The following NREP variants were observed in gnomAD, a reference collection of about 807,000 sequenced individuals.
The protein encoded by NREP is neuronal regeneration-related protein.
NREP carries 5 observed loss-of-function variants against 8.6 expected under a neutral mutation model. The ratio of observed to expected loss-of-function variants is 0.58; its 90% confidence interval spans 0.30 to 1.22. NREP has a LOEUF of 1.22. Ranked by LOEUF, NREP falls within the 50% of genes most tolerant of loss-of-function variation. The pLI is 0.07. For synonymous variants in NREP, 27 were observed against 28.0 expected (o/e 0.96, Z 0.11); for missense variants, 86 against 82.5 (o/e 1.04, Z -0.17).
At chr5:111,821,272 A>T (rs896884113) in intron 2 of NREP, among the ~76,000 whole-genome samples, 5 of 152,168 alleles carry the variant, frequency 3.3e-5, no homozygotes, top group African/African-American at 1.2e-4. Flanking sequence ...GACTATGAGG[A>T]ATTATAAGAT....
At chr5:111,840,003 CAGAG>C (rs1752987980) in intron 2 of NREP, among the ~76,000 whole-genome samples, 1 of 152,066 alleles carries the variant, frequency 6.6e-6, no homozygotes, top group Admixed American at 6.6e-5. Flanking sequence ...GATCGTGTTT[CAGAG>C]AGAAATGTGC....
intron 2 of NREP, among the ~76,000 whole-genome samples, chr5:111,848,620 T>C (rs1337824791): frequency 6.6e-6 from 1 of 152,148 alleles, no homozygotes; most frequent in African/African-American, 2.4e-5. Flanking sequence ...GAGTTGTGGA[T>C]GCTTCCTTTA....
intron 2 of NREP, among the ~76,000 whole-genome samples, chr5:111,764,571 C>G (rs1751037979): frequency 6.6e-6 from 1 of 152,078 alleles, no homozygotes; most frequent in Non-Finnish European, 1.5e-5. Context: ...ATACTTGCCC[C>G]CATGATTAAA....
At chr5:111,762,745 ATG>A (rs1750989865) in intron 2 of NREP, among the ~76,000 whole-genome samples, 1 of 152,162 alleles carries the variant, frequency 6.6e-6, no homozygotes, top group South Asian at 2.1e-4. Flanking sequence ...AAAGAAATGA[ATG>A]CCTGTTGTTT....
At chr5:111,808,589 T>A (rs1356763853) in intron 2 of NREP, among the ~76,000 whole-genome samples, 2 of 152,234 alleles carry the variant, frequency 1.3e-5, no homozygotes, top group Non-Finnish European at 2.9e-5. Flanking sequence ...CTATTCTTTG[T>A]CCTGGAACTG....
At chr5:111,826,496 A>G (rs1191689163) in intron 2 of NREP, among the ~76,000 whole-genome samples, 1 of 152,226 alleles carries the variant, frequency 6.6e-6, no homozygotes, top group Non-Finnish European at 1.5e-5. Context: ...CAGCAAGACC[A>G]CCAATGCACC....
intron 2 of NREP, among the ~76,000 whole-genome samples, chr5:111,882,093 A>G (rs183267056): frequency 9.5e-4 from 145 of 152,304 alleles, no homozygotes; most frequent in South Asian, 8.7e-3. Flanking sequence ...AAAAATGTAG[A>G]CGAATGTATA....
chr5:111,884,087 A>G (rs1224890030), intron 2 of NREP, among the ~76,000 whole-genome samples: 2 of 152,218 alleles, frequency 1.3e-5, no homozygotes, highest in African/African-American at 2.4e-5. Flanking sequence ...GAAGACCAAT[A>G]AAGAAGAAAA....
chr5:111,814,753 G>A (rs965277409), intron 2 of NREP, among the ~76,000 whole-genome samples: 1 of 152,034 alleles, frequency 6.6e-6, no homozygotes, highest in African/African-American at 2.4e-5. Context: ...TAAAAGAATG[G>A]GAGTATATGC....
intron 2 of NREP, among the ~76,000 whole-genome samples, chr5:111,750,151 A>G (rs751227733): frequency 6.6e-6 from 1 of 152,182 alleles, no homozygotes; most frequent in Non-Finnish European, 1.5e-5. Context: ...GTCCTAAACA[A>G]GGAGGAAGAT....
intron 2 of NREP, among the ~76,000 whole-genome samples, chr5:111,863,279 T>G (rs1011650162): frequency 1.3e-5 from 2 of 152,116 alleles, no homozygotes; most frequent in African/African-American, 4.8e-5. Context: ...GATTTCTTGG[T>G]CTCTCTTTGG....
At chr5:111,785,390 T>C (rs1256114449) in intron 2 of NREP, among the ~76,000 whole-genome samples, 1 of 152,172 alleles carries the variant, frequency 6.6e-6, no homozygotes, top group African/African-American at 2.4e-5. Flanking sequence ...GCAATTCTCC[T>C]GCCTCAGCCT....
chr5:111,756,327 G>GC lies in NREP; in HGVS notation c.-58-498_-58-497insG. 4 of 736,762 alleles carry GC rather than the reference G, an allele frequency of 5.4e-6. 2 individuals carry two copies. Among genetic ancestry groups the GC allele is most frequent in the Non-Finnish European group, 6.6e-6 (4 of 606,524 alleles). 45.6% of individuals were successfully genotyped at this position (736,762 alleles called of 1,614,324 possible). ...AAAAAAAAAAACCCTACACGGCGGG[G>GC]GGGGTGGGGGGAGTCAGGAATATAC... is the stretch of plus-strand genomic sequence containing the variant. On this transcript the variant is annotated intron_variant, in intron 1 of 3. Transcript: ENST00000257435.
chr5:111,960,436 A>G (rs1035098782), intron 2 of NREP, among the ~76,000 whole-genome samples: 1 of 152,194 alleles, frequency 6.6e-6, no homozygotes, highest in Non-Finnish European at 1.5e-5. Context: ...TTCCACAGAG[A>G]GGACTTGCAA....
intron 2 of NREP, among the ~76,000 whole-genome samples, chr5:111,885,904 A>C (rs1754232298): frequency 1.3e-5 from 2 of 152,208 alleles, no homozygotes; most frequent in African/African-American, 4.8e-5. Flanking sequence ...TTCAGGACAT[A>C]GGCATGGGCA....
chr5:111,907,704 C>T (rs564672622), intron 2 of NREP, among the ~76,000 whole-genome samples: 3 of 152,042 alleles, frequency 2.0e-5, no homozygotes, highest in Non-Finnish European at 4.4e-5. Flanking sequence ...TAAAATTCTG[C>T]TGTTCCTAAC....
At chr5:111,909,128 T>G (rs1754845817) in intron 2 of NREP, among the ~76,000 whole-genome samples, 1 of 152,082 alleles carries the variant, frequency 6.6e-6, no homozygotes, top group Admixed American at 6.6e-5. Context: ...TATTAGACCT[T>G]TCTCTGATGC....
chr5:111,926,441 C>G (rs190589937), intron 2 of NREP, among the ~76,000 whole-genome samples: 250 of 152,160 alleles, frequency 1.6e-3, no homozygotes, highest in Non-Finnish European at 2.6e-3. Flanking sequence ...TCTGTGTTGT[C>G]CCACAGGGCA....
Position 111,750,419 on chromosome 5 carries a change from T to A in NREP, c.3+5351A>T, listed in dbSNP as rs145592700. On this transcript the variant is annotated intron_variant, in intron 2 of 3. Coordinates refer to ENST00000257435, the MANE Select transcript of NREP (RefSeq NM_004772.4). ...CCAACTCCAATCGTTAATGGCGCCCTGGAACACTGTATTGAGGATTTTGAA... is the reference window on the plus strand; with the variant it reads ...CCAACTCCAATCGTTAATGGCGCCCAGGAACACTGTATTGAGGATTTTGAA... Among the ~76,000 whole-genome samples the A allele has an allele frequency of 4.4e-3, 676 of 152,314 alleles. 6 individuals are homozygous for A. Among genetic ancestry groups the A allele is most frequent in the African/African-American group, 0.015 (642 of 41,574 alleles).
Sources: gnomAD v4.1 joint callset for allele counts (sites outside exome capture counted in the v4.1 genomes callset) on GRCh38, gnomAD v4.1.1 for gene constraint, MANE v1.5 for transcripts, NCBI Gene and HGNC (gene_info 2026-07-23, HGNC 2026-07-21) for gene names.